Variants in ZFYVE16 observed in about 807,000 individuals in gnomAD.
The protein encoded by ZFYVE16 is zinc finger FYVE-type containing 16.
Under a neutral mutation model 138.1 loss-of-function variants are expected in ZFYVE16, and 89 were observed. The ratio of observed to expected loss-of-function variants is 0.64; its 90% CI spans 0.54 to 0.77. The LOEUF is 0.77. Among genes scored for constraint, ZFYVE16 ranks in the 30% least tolerant of loss-of-function variants. The pLI is 0.00. For synonymous variants in ZFYVE16, 596 were observed against 618.3 expected, an observed-to-expected ratio of 0.96 and a Z score of 0.53; for missense variants, 1,793 against 1,786.7, an observed-to-expected ratio of 1.00 and a Z score of -0.06.
Position 80,473,869 on chromosome 5 carries a change from AAAG to A in ZFYVE16, c.4293+14_4293+16del, listed in dbSNP as rs752470047. 13 of 1,598,960 alleles carry A rather than the reference AAAG, an allele frequency of 8.1e-6. No homozygotes were observed. In the Admixed American group the frequency reaches 2.2e-4, roughly 27 times the overall value. On this transcript the variant is annotated intron_variant, in intron 17 of 18. Coordinates refer to ENST00000505560, the MANE Select transcript of ZFYVE16 (RefSeq NM_001284236.3). ...TGTAAAATGTACCGAGGTAACTAAG[AAAG>A]AAGGTCCCTTTACATGCTGTGTTTC...
chr5:80,425,333 CTTAT>C (rs1176190551), intron 1 of ZFYVE16, among the ~76,000 whole-genome samples: 1 of 152,126 alleles, frequency 6.6e-6, no homozygotes, highest in Non-Finnish European at 1.5e-5. Context: ...TAAAGTATCT[CTTAT>C]TTATTTATTT....
chr5:80,437,662 T>C lies in ZFYVE16; in HGVS notation c.977T>C (p.Leu326Ser), dbSNP rs764294154. The change falls in exon 4 of 19, where the codon TTA becomes TCA. Residue 326 changes from leucine (L) to serine (S), a missense_variant. Physicochemically the swap from Leu to Ser is moderately radical, Grantham distance 145 (BLOSUM62 -2). Coordinates refer to ENST00000505560, the MANE Select transcript of ZFYVE16 (RefSeq NM_001284236.3). ...DSNSRDENFK[L>S]PDFSFQEDKT... ...AATTCAAGAGATGAAAATTTCAAATTACCTGACTTTTCCTTTCAGGAAGAT... is the reference window on the plus strand; with the variant it reads ...AATTCAAGAGATGAAAATTTCAAATCACCTGACTTTTCCTTTCAGGAAGAT... The C allele has an allele frequency of 5.6e-6, 9 of 1,611,616 alleles. No individual in the cohort carries two copies. In the South Asian group the frequency reaches 6.6e-5, roughly 12 times the overall value.
chr5:80,416,118 T>TTCTACTTCCTTGAGAGC (rs1439959443), intron 1 of ZFYVE16, among the ~76,000 whole-genome samples: 1 of 152,288 alleles, frequency 6.6e-6, no homozygotes, highest in South Asian at 2.1e-4. Context: ...GAATGGGGAG[T>TTCTACTTCCTTGAGAGC]TCTACTTCCT....
intron 3 of ZFYVE16, chr5:80,435,851 A>G (rs1749831525): frequency 3.8e-6 from 1 of 264,816 alleles, no homozygotes; most frequent in South Asian, 3.1e-5. Context: ...CTGGGATTAC[A>G]GTTGTAAGCC....
At chr5:80,454,076 T>C (rs915963820) in intron 11 of ZFYVE16, 1 of 152,224 alleles carries the variant, frequency 6.6e-6, no homozygotes. Flanking sequence ...TTCACACTAA[T>C]ATCTTGTATT....
At chr5:80,421,155 CTT>C (rs966801558) in intron 1 of ZFYVE16, among the ~76,000 whole-genome samples, 2 of 151,930 alleles carry the variant, frequency 1.3e-5, no homozygotes, top group African/African-American at 2.4e-5. Flanking sequence ...TTGTTTTTTT[CTT>C]GTAAATTTGT....
chr5:80,460,741 T>C (rs1246027844), intron 15 of ZFYVE16, among the ~76,000 whole-genome samples: 1 of 152,194 alleles, frequency 6.6e-6, no homozygotes, highest in Non-Finnish European at 1.5e-5. Context: ...GCTATGTTCT[T>C]AGCTTTTGTT....
chr5:80,436,251 A>G (rs1022866936), intron 3 of ZFYVE16, among the ~76,000 whole-genome samples: 8 of 152,188 alleles, frequency 5.3e-5, no homozygotes, highest in Admixed American at 3.9e-4. Flanking sequence ...ACAATTGGCA[A>G]CCTCAATTAG....
chr5:80,419,341 T>C (rs976540286), intron 1 of ZFYVE16, among the ~76,000 whole-genome samples: 4 of 152,228 alleles, frequency 2.6e-5, no homozygotes, highest in Non-Finnish European at 4.4e-5. Context: ...GCCTCCCAAG[T>C]GCTGGGATTA....
At chr5:80,442,371 GTGT>G (rs1750807786) in intron 5 of ZFYVE16, among the ~76,000 whole-genome samples, 2 of 152,252 alleles carry the variant, frequency 1.3e-5, no homozygotes, top group African/African-American at 4.8e-5. Flanking sequence ...GCCTCCCAAA[GTGT>G]TGGGATTACA....
At chr5:80,461,986 A>C (rs1753173939) in intron 15 of ZFYVE16, among the ~76,000 whole-genome samples, 1 of 151,974 alleles carries the variant, frequency 6.6e-6, no homozygotes. Context: ...ACAAAACAAA[A>C]AAAAAACACC....
In ZFYVE16 at chr5:80,443,114, C is replaced by T; in HGVS notation, c.2420-9C>T. 1 of 1,528,232 alleles carries T rather than the reference C, an allele frequency of 6.5e-7. No individual in the cohort carries two copies. The highest frequency in any genetic ancestry group is 8.7e-7 in the Non-Finnish European group (1 of 1,149,504). The allele number at this position is 1,528,232 out of a possible 1,614,324, so 94.7% of individuals were successfully genotyped here. On this transcript the variant is annotated splice_polypyrimidine_tract_variant and intron_variant, in intron 5 of 18. Coordinates refer to ENST00000505560, the MANE Select transcript of ZFYVE16 (RefSeq NM_001284236.3). Reference sequence around the variant, plus strand: ...TGAGATTTTAACACTATTGTTTTCCCCTTTATAGCTCAGGCATTTGAAAGG... The same window carrying T: ...TGAGATTTTAACACTATTGTTTTCCTCTTTATAGCTCAGGCATTTGAAAGG...
At chr5:80,459,228 G>T (rs553954511) in intron 14 of ZFYVE16, among the ~76,000 whole-genome samples, 186 bp from the exon 15 acceptor site, 1 of 151,946 alleles carries the variant, frequency 6.6e-6, no homozygotes, top group Non-Finnish European at 1.5e-5. Flanking sequence ...GCGCCCAGCC[G>T]CATTAAATTA....
At chr5:80,455,384 A>G (rs1752417617) in intron 11 of ZFYVE16, 1 of 267,778 alleles carries the variant, frequency 3.7e-6, no homozygotes, top group African/African-American at 2.3e-5. Context: ...AAATACAAAA[A>G]TTAGCCAGGT....
At position 80,478,929 on chromosome 5, in the gene ZFYVE16, G is replaced by GT. The variant is rs1755143929; in HGVS notation, c.*1553dup. The GT allele has an allele frequency of 6.6e-6, 1 of 152,126 alleles. No homozygotes were observed. Among genetic ancestry groups the GT allele is most frequent in the South Asian group, 2.1e-4 (1 of 4,834 alleles). The allele number at this position is 152,126 out of a possible 1,614,324, so 9.4% of individuals were successfully genotyped here. A position where few individuals can be genotyped will look rare whatever the true frequency, so the allele number is the denominator to read the frequency against. On this transcript the variant is annotated 3_prime_UTR_variant, in exon 19 of 19. Transcript: ENST00000505560. Reference sequence around the variant, plus strand: ...AATTTGTGAAATTTATTGAAATGGTGTAAGATGAAAACAATTGCATATCAA... The same window carrying GT: ...AATTTGTGAAATTTATTGAAATGGTGTTAAGATGAAAACAATTGCATATCAA...
chr5:80,460,466 T>C (rs1752985999), intron 15 of ZFYVE16, among the ~76,000 whole-genome samples: 1 of 152,212 alleles, frequency 6.6e-6, no homozygotes, highest in South Asian at 2.1e-4. Context: ...ATGTTTTTTA[T>C]TTAAGAAATC....
At chr5:80,454,130 C>T (rs1415216678) in intron 11 of ZFYVE16, 1 of 152,024 alleles carries the variant, frequency 6.6e-6, no homozygotes, top group East Asian at 1.9e-4. Context: ...ACTTAGTTGC[C>T]TTTTTAGAAT....
Position 80,436,843 on chromosome 5 carries a change from C to T in ZFYVE16, c.158C>T (p.Thr53Ile), listed in dbSNP as rs1749986582. The T allele has an allele frequency of 6.2e-7, 1 of 1,614,158 alleles. No individual in the cohort carries two copies. The highest frequency in any genetic ancestry group is 2.2e-5 in the East Asian group (1 of 44,870). Residue 53 changes from threonine to isoleucine, a missense_variant, in exon 4 of 19, where the codon ACT becomes ATT. Physicochemically the swap from Thr to Ile is moderately conservative, Grantham distance 89. Around this residue, in one of 2 missense-constraint regions of ZFYVE16, gnomAD observed 1,295 missense variants for 1,204.3 expected, o/e 1.08. Coordinates refer to ENST00000505560, the MANE Select transcript of ZFYVE16 (RefSeq NM_001284236.3). The part of the protein sequence containing the change: ...VSSELASSQR[T>I]SLLPKDQECV... ...TCAGAGTTGGCTTCCTCACAGCGAACTTCATTGCTCCCAAAAGACCAAGAG... is the reference window on the plus strand; with the variant it reads ...TCAGAGTTGGCTTCCTCACAGCGAATTTCATTGCTCCCAAAAGACCAAGAG...
In ZFYVE16 at chr5:80,434,243, C is replaced by T. The variant is rs375038540; in HGVS notation, c.70+26C>T. 49 of 1,608,734 alleles carry T rather than the reference C, an allele frequency of 3.0e-5. No homozygotes were observed. In the African/African-American group the frequency reaches 6.0e-4, roughly 20 times the overall value. On this transcript the variant is annotated intron_variant, in intron 3 of 18. Transcript: ENST00000505560. ...GTTTGTTGATTTTCCATTTTTGCCG[C>T]TAATGGGATTTAAAAATATCTGTAA...
Sources: allele counts gnomAD v4.1 joint callset (sites outside exome capture counted in the v4.1 genomes callset), GRCh38; gene constraint gnomAD v4.1.1; regional missense constraint gnomAD v4.1.1; transcripts MANE v1.5; gene names NCBI Gene and HGNC (gene_info 2026-07-23, HGNC 2026-07-21).